ZNF541: variants seen among roughly 807,000 people sequenced by gnomAD.
The protein encoded by ZNF541 is zinc finger protein 541.
In ZNF541, 23 loss-of-function variants were observed where a neutral mutation model predicts 123.5. That is an observed-to-expected ratio of 0.19 (90% CI 0.13 to 0.26). ZNF541 has a LOEUF of 0.26. Ranked by LOEUF, ZNF541 falls within the 10% of genes least tolerant of loss-of-function variation. The pLI is 1.00. For synonymous variants in ZNF541, 751 were observed against 754.5 expected, an observed-to-expected ratio of 1.00 and a Z score of 0.08; for missense variants, 1,612 against 1,789.9, an observed-to-expected ratio of 0.90 and a Z score of 1.79.
At chr19:47,539,391 C>T (rs1969978237) in intron 8 of ZNF541, among the ~76,000 whole-genome samples, 1 of 151,540 alleles carries the variant, frequency 6.6e-6, no homozygotes, top group Non-Finnish European at 1.5e-5. Flanking sequence ...CCTCTCCTTC[C>T]TGGGTTCAAG....
chr19:47,570,309 G>A (rs969348930), intron 2 of ZNF541, among the ~76,000 whole-genome samples: 2 of 150,126 alleles, frequency 1.3e-5, no homozygotes, highest in Admixed American at 6.7e-5. Flanking sequence ...TGGGCGTGGT[G>A]GTTCATGCCT....
In ZNF541 at chr19:47,539,854, G is replaced by T; in HGVS notation, c.2647C>A (p.Pro883Thr). The T allele has an allele frequency of 6.6e-7, 1 of 1,522,576 alleles. No homozygotes were observed. 94.3% of individuals were successfully genotyped at this position (1,522,576 alleles called of 1,614,324 possible). A position where few individuals can be genotyped will look rare whatever the true frequency, so the allele number is the denominator to read the frequency against. Residue 883 changes from proline (P) to threonine (T), a missense_variant, in exon 8 of 17, where the codon CCG becomes ACG. Pro to Thr is a conservative substitution (Grantham distance 38). This residue lies in a region of ZNF541 where 1,080 missense variants were observed against 1,013.8 expected (regional missense o/e 1.07). Transcript: ENST00000391901. ...PQVFGTEFCK[P>T]LRQVLRPEGD... is the part of the protein sequence containing the mutation. Reference sequence around the variant, plus strand: ...TCTGGCCTCAGCACCTGTCTTAGCGGCTTGCAAAACTCTGTGCCAAACACC... The same window carrying T: ...TCTGGCCTCAGCACCTGTCTTAGCGTCTTGCAAAACTCTGTGCCAAACACC...
At chr19:47,552,886 G>A (rs1970665373) in intron 3 of ZNF541, among the ~76,000 whole-genome samples, 1 of 151,296 alleles carries the variant, frequency 6.6e-6, no homozygotes, top group South Asian at 2.1e-4. Flanking sequence ...CGAGGAGGGT[G>A]GATCATGAGG....
chr19:47,532,795 G>T (rs922343327), intron 10 of ZNF541, 114 bp downstream of exon 10: 2 of 876,968 alleles, frequency 2.3e-6, no homozygotes, highest in African/African-American at 3.4e-5. Flanking sequence ...CACGCCTAGG[G>T]AGCCTATGTG....
chr19:47,549,642 G>A (rs557863577), intron 3 of ZNF541, among the ~76,000 whole-genome samples, 157 bp from the exon 4 acceptor site: 5 of 152,312 alleles, frequency 3.3e-5, no homozygotes, highest in African/African-American at 1.2e-4. Flanking sequence ...AGGAGCAGGT[G>A]AGGGGAACAG....
chr19:47,563,702 G>A (rs1419909058), intron 2 of ZNF541, among the ~76,000 whole-genome samples: 1 of 152,130 alleles, frequency 6.6e-6, no homozygotes, highest in African/African-American at 2.4e-5. Context: ...TGCCTCCTGG[G>A]TTCAAGCAAT....
chr19:47,569,892 G>GA (rs1971412848), intron 2 of ZNF541, among the ~76,000 whole-genome samples: 1 of 151,456 alleles, frequency 6.6e-6, no homozygotes, highest in Non-Finnish European at 1.5e-5. Flanking sequence ...AAAGAAAGGA[G>GA]AAAAGAAAAG....
At position 47,545,362 on chromosome 19, in the gene ZNF541, G is replaced by C; in HGVS notation, c.1167C>G (p.Ser389=). The change falls in exon 5 of 17, where the codon TCC becomes TCG. Residue 389 remains serine, a synonymous_variant. Coordinates refer to ENST00000391901, the MANE Select transcript of ZNF541 (RefSeq NM_001277075.3). This position sits in a 1 kb window ranked among gnomAD's most constrained non-coding sequence, Gnocchi z 7.5. ...GGAAGAGAGGCAGGCAGGCAGGCAC[G>C]GAGCCGCCTTCGGGCCAGCACTCCG... ...STAECWPEGG[S]VPACLPLFRG... is the part of the protein sequence containing the mutation. The C allele has an allele frequency of 1.3e-6, 2 of 1,541,120 alleles. No homozygotes were observed. Among genetic ancestry groups the C allele is most frequent in the Admixed American group, 2.0e-5 (1 of 49,784 alleles).
At chr19:47,558,311 G>A (rs906442190) in intron 2 of ZNF541, among the ~76,000 whole-genome samples, 5 of 151,952 alleles carry the variant, frequency 3.3e-5, no homozygotes, top group African/African-American at 1.2e-4. Flanking sequence ...AGCTACTCGG[G>A]AGGCTGAGGC....
intron 3 of ZNF541, among the ~76,000 whole-genome samples, chr19:47,554,838 A>G (rs749521755): frequency 3.3e-5 from 5 of 152,192 alleles, no homozygotes; most frequent in Non-Finnish European, 7.3e-5. Context: ...TCACGCCTGC[A>G]ATCCCACCAC....
intron 2 of ZNF541, among the ~76,000 whole-genome samples, chr19:47,560,241 A>G (rs1466904051): frequency 1.3e-5 from 2 of 152,170 alleles, no homozygotes; most frequent in Non-Finnish European, 2.9e-5. Flanking sequence ...AAAGCCAGGG[A>G]GGAAAAGCTG....
intron 14 of ZNF541, among the ~76,000 whole-genome samples, chr19:47,522,400 T>C (rs112655523): frequency 1.3e-5 from 2 of 152,278 alleles, no homozygotes; most frequent in African/African-American, 4.8e-5. Flanking sequence ...AGTGACCCAC[T>C]CTAGAAGAAG....
chr19:47,572,997 G>A (rs1431710197), intron 1 of ZNF541, among the ~76,000 whole-genome samples, 86 bp downstream of exon 1: 2 of 151,892 alleles, frequency 1.3e-5, no homozygotes, highest in African/African-American at 4.8e-5. Flanking sequence ...TTGTAAAAAG[G>A]GGGAGGGGTT....
intron 14 of ZNF541, among the ~76,000 whole-genome samples, chr19:47,523,069 C>T (rs1969113592): frequency 6.7e-6 from 1 of 149,378 alleles, no homozygotes; most frequent in South Asian, 2.1e-4. Flanking sequence ...GATAGTGTCA[C>T]GGTACTCCAG....
intron 2 of ZNF541, among the ~76,000 whole-genome samples, chr19:47,563,716 C>T (rs1971154823): frequency 6.6e-6 from 1 of 152,170 alleles, no homozygotes; most frequent in South Asian, 2.1e-4. Context: ...AAGCAATTCT[C>T]TTGTCTCAGC....
chr19:47,536,486 C>T (rs1270939482), intron 9 of ZNF541, among the ~76,000 whole-genome samples: 6 of 152,208 alleles, frequency 3.9e-5, no homozygotes, highest in Non-Finnish European at 7.3e-5. Flanking sequence ...GATCCACCCG[C>T]CCCAGCCTCC....
At chr19:47,539,156 C>A (rs552809787) in intron 8 of ZNF541, among the ~76,000 whole-genome samples, 1 of 152,154 alleles carries the variant, frequency 6.6e-6, no homozygotes, top group Non-Finnish European at 1.5e-5. Context: ...GGACTAGGAG[C>A]CCTGGGAGGC....
intron 2 of ZNF541, among the ~76,000 whole-genome samples, chr19:47,556,334 G>A (rs1970819191): frequency 6.6e-6 from 1 of 152,192 alleles, no homozygotes; most frequent in South Asian, 2.1e-4. Flanking sequence ...TGCTGGAGGT[G>A]TAAGCTCACG....
intron 9 of ZNF541, among the ~76,000 whole-genome samples, chr19:47,535,389 C>T (rs1568489855): frequency 6.6e-6 from 1 of 152,120 alleles, no homozygotes; most frequent in Non-Finnish European, 1.5e-5. Context: ...AAATGTTTGT[C>T]CTGCAAAAGG....
Sources: gnomAD v4.1 joint callset for allele counts (sites outside exome capture counted in the v4.1 genomes callset) on GRCh38, gnomAD v4.1.1 for gene constraint, gnomAD v4.1.1 regional missense constraint, Gnocchi (gnomAD v3.1) non-coding constraint, MANE v1.5 for transcripts, NCBI Gene and HGNC (gene_info 2026-07-23, HGNC 2026-07-21) for gene names.